The following HMCN1 variants were observed in gnomAD, a reference collection of about 807,000 sequenced individuals.
HMCN1 encodes hemicentin 1.
In HMCN1, 321 loss-of-function variants were observed where a neutral mutation model predicts 625.9. The observed-to-expected ratio is 0.51, with a 90% CI of 0.47 to 0.56. HMCN1 has a LOEUF of 0.56. HMCN1 is among the 20% of genes least tolerant of loss of function. HMCN1 has a pLI of 0.00. For synonymous variants in HMCN1, 2,425 were observed against 2,417.6 expected (o/e 1.00, Z -0.09); for missense variants, 6,588 against 6,887.3 (o/e 0.96, Z 1.54).
At chr1:186,165,553 A>C (rs1467360594) in intron 98 of HMCN1, among the ~76,000 whole-genome samples, 1 of 152,208 alleles carries the variant, frequency 6.6e-6, no homozygotes. Flanking sequence ...TAACCCTAGA[A>C]TTAATCAGAG....
intron 35 of HMCN1, among the ~76,000 whole-genome samples, chr1:186,022,561 A>G (rs1441878510): frequency 6.6e-6 from 1 of 152,144 alleles, no homozygotes; most frequent in African/African-American, 2.4e-5. Flanking sequence ...TTTAAGAGGG[A>G]AATTGTGAAA....
rs376961666 is a variant in HMCN1, at chr1:186,137,474, C to G, written c.13583-24C>G. ...AATGTTTTATTTGCAAAAGCTTAGA[C>G]AAAGTACAATGTTTTATTTGCAGTT... On this transcript the variant is annotated intron_variant, in intron 87 of 106. Transcript: ENST00000271588. 17 of 1,609,946 alleles carry G rather than the reference C, an allele frequency of 1.1e-5. No homozygotes were observed. In the African/African-American group the frequency reaches 2.3e-4, roughly 22 times the overall value.
chr1:186,093,791 T>A, intron 66 of HMCN1, 122 bp downstream of exon 66: 2 of 1,328,504 alleles, frequency 1.5e-6, no homozygotes, highest in Non-Finnish European at 2.1e-6. Flanking sequence ...TTTTTCCCTT[T>A]AAGTATATTT....
chr1:186,161,278 T>TC (rs1358553003), intron 97 of HMCN1, among the ~76,000 whole-genome samples: 1 of 151,986 alleles, frequency 6.6e-6, no homozygotes, highest in Non-Finnish European at 1.5e-5. Context: ...GCTTGGTAGA[T>TC]CTTCCTCCAT....
intron 86 of HMCN1, among the ~76,000 whole-genome samples, chr1:186,134,256 TTA>T (rs1411503289): frequency 6.6e-6 from 1 of 152,172 alleles, no homozygotes; most frequent in Admixed American, 6.5e-5. Flanking sequence ...TTGTATTAAT[TTA>T]TAGCTTCATA....
chr1:186,072,998 C>T (rs1658568849), intron 52 of HMCN1, among the ~76,000 whole-genome samples: 1 of 152,178 alleles, frequency 6.6e-6, no homozygotes, highest in South Asian at 2.1e-4. Flanking sequence ...ATGGCAATTG[C>T]ATCTCCACCA....
At chr1:186,146,049 T>C in intron 93 of HMCN1, 126 bp downstream of exon 93, 3 of 934,656 alleles carry the variant, frequency 3.2e-6, no homozygotes, top group South Asian at 1.4e-5. Flanking sequence ...AAAAAGTGCT[T>C]TCTTGCTCCT....
At chr1:186,017,190 T>A (rs767536863) in intron 33 of HMCN1, 119 bp downstream of exon 33, 27 of 710,352 alleles carry the variant, frequency 3.8e-5, no homozygotes, top group Non-Finnish European at 5.2e-5. Flanking sequence ...ATTCTTTATA[T>A]TCCTCTTTTA....
At chr1:185,759,440 G>A (rs184016821) in intron 1 of HMCN1, among the ~76,000 whole-genome samples, 27 of 152,298 alleles carry the variant, frequency 1.8e-4, no homozygotes, top group Non-Finnish European at 3.5e-4. Flanking sequence ...CATATGTTCT[G>A]TAGATTTAGG....
chr1:186,164,502 C>G (rs1487633168), intron 97 of HMCN1, among the ~76,000 whole-genome samples: 1 of 152,110 alleles, frequency 6.6e-6, no homozygotes. Context: ...CTCGGCCTCC[C>G]AAAGTGCTGG....
intron 11 of HMCN1, among the ~76,000 whole-genome samples, chr1:185,953,360 G>A (rs1395736666): frequency 1.3e-5 from 2 of 151,888 alleles, no homozygotes; most frequent in African/African-American, 2.4e-5. Flanking sequence ...CCCTTGAAAC[G>A]TGGGTGAATG....
chr1:185,898,334 A>G (rs1048566451), intron 4 of HMCN1, among the ~76,000 whole-genome samples: 1 of 152,192 alleles, frequency 6.6e-6, no homozygotes, highest in African/African-American at 2.4e-5. Flanking sequence ...CAGGAAGTTG[A>G]GAGAGAGTCC....
chr1:186,069,029 C>T (rs745750399), intron 50 of HMCN1, among the ~76,000 whole-genome samples: 3 of 152,102 alleles, frequency 2.0e-5, no homozygotes, highest in East Asian at 1.9e-4. Flanking sequence ...GGTTTCAGTT[C>T]CATCAGGGTA....
intron 4 of HMCN1, among the ~76,000 whole-genome samples, chr1:185,905,406 TA>T (rs1369666034): frequency 2.6e-5 from 4 of 151,668 alleles, no homozygotes; most frequent in Non-Finnish European, 4.4e-5. Flanking sequence ...GAAAGTCGGA[TA>T]AAAAATAACA....
In HMCN1 at chr1:186,000,583, G is replaced by GTA. The variant is rs751568937; in HGVS notation, c.4069+345_4069+346insAT. The stretch of plus-strand genomic sequence containing the variant: ...TATGTGTGTGTGTGTGTGTGTGTGT[G>GTA]TGTGTGTGTATGTATGTGTCTTCCC... On this transcript the variant is annotated intron_variant, in intron 26 of 106. Coordinates refer to ENST00000271588, the MANE Select transcript of HMCN1 (RefSeq NM_031935.3). Among the ~76,000 whole-genome samples, 344 of 150,228 alleles carry GTA rather than the reference G, an allele frequency of 2.3e-3. 2 individuals carry two copies. The highest frequency in any genetic ancestry group is 4.0e-3 in the Non-Finnish European group (271 of 67,614).
chr1:185,805,320 A>T (rs1053939851), intron 1 of HMCN1, among the ~76,000 whole-genome samples: 1 of 152,180 alleles, frequency 6.6e-6, no homozygotes, highest in Non-Finnish European at 1.5e-5. Flanking sequence ...TATGCTTATG[A>T]AATGGACAAG....
chr1:186,024,812 A>T (rs1174774779), intron 36 of HMCN1, among the ~76,000 whole-genome samples: 1 of 152,164 alleles, frequency 6.6e-6, no homozygotes. Context: ...TAAAATACTT[A>T]AATGAATGCT....
chr1:185,961,420 C>T (rs2102555508), intron 11 of HMCN1, among the ~76,000 whole-genome samples: 1 of 152,230 alleles, frequency 6.6e-6, no homozygotes, highest in African/African-American at 2.4e-5. Flanking sequence ...ATCTGTGTGT[C>T]CCTGCAAGTT....
intron 21 of HMCN1, 45 bp downstream of exon 21, chr1:185,989,692 G>C: frequency 1.3e-6 from 2 of 1,590,568 alleles, no homozygotes; most frequent in Non-Finnish European, 1.7e-6. Context: ...TTGTCTATCT[G>C]TGCCAAAACT....
Sources: gnomAD v4.1 joint callset for allele counts (sites outside exome capture counted in the v4.1 genomes callset) on GRCh38, gnomAD v4.1.1 for gene constraint, MANE v1.5 for transcripts, NCBI Gene and HGNC (gene_info 2026-07-23, HGNC 2026-07-21) for gene names.